Variants in ZNF704 observed in about 807,000 individuals in gnomAD.
ZNF704 encodes zinc finger protein 704, also known as glucocorticoid induced gene 1.
A neutral mutation model predicts 44.7 loss-of-function variants in ZNF704; 10 were observed. That is an observed-to-expected ratio of 0.22 (90% CI 0.14 to 0.38). The LOEUF (loss-of-function observed/expected upper bound fraction) is 0.38, where lower values mean the gene tolerates loss of function less well. Ranked by LOEUF, ZNF704 falls within the 10% of genes least tolerant of loss-of-function variation. The pLI is 1.00. For synonymous variants in ZNF704, 211 were observed against 207.6 expected, an observed-to-expected ratio of 1.02 and a Z score of -0.14; for missense variants, 390 against 545.5, an observed-to-expected ratio of 0.71 and a Z score of 2.84.
intron 5 of ZNF704, among the ~76,000 whole-genome samples, chr8:80,669,336 G>C (rs1818243672): frequency 6.6e-6 from 1 of 152,204 alleles, no homozygotes; most frequent in Non-Finnish European, 1.5e-5. Context: ...GGAGCAGAAG[G>C]AGGGTGTTCT....
At chr8:80,814,934 T>C (rs1808151652) in intron 2 of ZNF704, among the ~76,000 whole-genome samples, 1 of 152,154 alleles carries the variant, frequency 6.6e-6, no homozygotes, top group Non-Finnish European at 1.5e-5. Flanking sequence ...TCCGATAAAC[T>C]GTCTAAAGTA....
chr8:80,798,125 C>T (rs1807838208), intron 2 of ZNF704, among the ~76,000 whole-genome samples: 1 of 151,880 alleles, frequency 6.6e-6, no homozygotes, highest in South Asian at 2.1e-4. Flanking sequence ...TTCTACATTC[C>T]ATAATATCCT....
At chr8:80,796,476 C>T (rs1160810512) in intron 2 of ZNF704, among the ~76,000 whole-genome samples, 26 of 152,188 alleles carry the variant, frequency 1.7e-4, no homozygotes, top group Admixed American at 1.6e-3. Flanking sequence ...AATTAAGCTT[C>T]AACATGAGGG....
chr8:80,863,846 TC>T (rs1267203657), intron 1 of ZNF704, among the ~76,000 whole-genome samples: 1 of 152,226 alleles, frequency 6.6e-6, no homozygotes, highest in Non-Finnish European at 1.5e-5. Context: ...ATTGAGACTC[TC>T]CTGATATTTT....
chr8:80,659,376 C>T (rs889353772), intron 7 of ZNF704, among the ~76,000 whole-genome samples: 3 of 152,142 alleles, frequency 2.0e-5, no homozygotes, highest in African/African-American at 7.2e-5. Flanking sequence ...ACAGTTGAAA[C>T]TCTCTTATAG....
chr8:80,873,905 G>GCCGGGC (rs1361082859), intron 1 of ZNF704, among the ~76,000 whole-genome samples: 1 of 145,960 alleles, frequency 6.9e-6, no homozygotes, highest in East Asian at 2.0e-4. Context: ...GGGCGCCGGG[G>GCCGGGC]CCGGGCCCGG....
At chr8:80,739,082 A>AAATCC (rs1806712293) in intron 2 of ZNF704, among the ~76,000 whole-genome samples, 1 of 152,320 alleles carries the variant, frequency 6.6e-6, no homozygotes, top group African/African-American at 2.4e-5. Context: ...CTCAGCCCCA[A>AAATCC]AATCCACTCA....
At chr8:80,744,050 G>A (rs1490764884) in intron 2 of ZNF704, among the ~76,000 whole-genome samples, 1 of 152,144 alleles carries the variant, frequency 6.6e-6, no homozygotes. Flanking sequence ...AACGTGGCTA[G>A]TCTGAATTGA....
intron 2 of ZNF704, among the ~76,000 whole-genome samples, chr8:80,743,951 C>G (rs914821601): frequency 1.3e-5 from 2 of 151,726 alleles, no homozygotes; most frequent in Admixed American, 6.6e-5. Context: ...AAATGTGACT[C>G]TAAGAAAAAA....
chr8:80,775,979 C>T (rs1259343556), intron 2 of ZNF704, among the ~76,000 whole-genome samples: 1 of 152,134 alleles, frequency 6.6e-6, no homozygotes, highest in African/African-American at 2.4e-5. Context: ...TTGTATTATG[C>T]ACACAATTTT....
At chr8:80,680,136 T>C (rs927894279) in intron 4 of ZNF704, among the ~76,000 whole-genome samples, 1 of 152,106 alleles carries the variant, frequency 6.6e-6, no homozygotes, top group Admixed American at 6.5e-5. Context: ...ATACTTAGGA[T>C]TGATATAGTG....
intron 2 of ZNF704, among the ~76,000 whole-genome samples, chr8:80,796,519 G>C (rs1807803310): frequency 6.6e-6 from 1 of 152,164 alleles, no homozygotes; most frequent in African/African-American, 2.4e-5. Context: ...TTCTGCCCAT[G>C]CCCTCCCCGC....
intron 2 of ZNF704, among the ~76,000 whole-genome samples, chr8:80,696,006 T>C (rs1411685326): frequency 6.6e-6 from 1 of 152,236 alleles, no homozygotes; most frequent in East Asian, 1.9e-4. Flanking sequence ...TTGTGCTAAG[T>C]TGTGTTTTTG....
intron 2 of ZNF704, 80 bp from the exon 3 acceptor site, chr8:80,693,187 C>T: frequency 8.7e-7 from 1 of 1,155,706 alleles, no homozygotes; most frequent in South Asian, 1.3e-5. Flanking sequence ...CGCTGTCACG[C>T]ATTTACTCCA....
intron 1 of ZNF704, among the ~76,000 whole-genome samples, chr8:80,832,275 T>A (rs1808483876): frequency 2.0e-5 from 3 of 152,214 alleles, no homozygotes; most frequent in Admixed American, 2.0e-4. Context: ...CTAAATGGTA[T>A]CCTTTGTAAA....
At chr8:80,684,527 T>C (rs1818503248) in intron 4 of ZNF704, among the ~76,000 whole-genome samples, 1 of 152,202 alleles carries the variant, frequency 6.6e-6, no homozygotes, top group Admixed American at 6.5e-5. Flanking sequence ...AAATGGGTAC[T>C]ATGAAACTGA....
chr8:80,723,307 T>C (rs1305762013), intron 2 of ZNF704, among the ~76,000 whole-genome samples: 7 of 152,210 alleles, frequency 4.6e-5, no homozygotes, highest in African/African-American at 1.7e-4. Context: ...ACATGTTGTG[T>C]TGATCAAATA....
At chr8:80,779,524 A>C (rs529933492) in intron 2 of ZNF704, among the ~76,000 whole-genome samples, 1 of 152,104 alleles carries the variant, frequency 6.6e-6, no homozygotes, top group African/African-American at 2.4e-5. Flanking sequence ...TATAAATAAA[A>C]TTTTAAAATA....
upstream of ZNF704, among the ~76,000 whole-genome samples, chr8:80,878,481 G>C (rs1388924569): frequency 1.3e-5 from 2 of 152,152 alleles, no homozygotes; most frequent in Non-Finnish European, 2.9e-5. Context: ...AACTTTAATA[G>C]TTGGATTTGT....
Sources: allele counts gnomAD v4.1 joint callset (sites outside exome capture counted in the v4.1 genomes callset), GRCh38; gene constraint gnomAD v4.1.1; transcripts MANE v1.5; gene names NCBI Gene and HGNC (gene_info 2026-07-23, HGNC 2026-07-21).